SLC35F3: variants seen among roughly 807,000 people sequenced by gnomAD.
SLC35F3 encodes putative thiamine transporter SLC35F3.
SLC35F3 carries 25 observed loss-of-function variants against 49.9 expected under a neutral mutation model. The observed-to-expected ratio is 0.50, with a 90% CI of 0.37 to 0.70. The LOEUF is 0.70. SLC35F3 is among the 30% of genes least tolerant of loss of function. SLC35F3 has a pLI of 0.00. For missense variants in SLC35F3, 525 were observed against 639.8 expected, an observed-to-expected ratio of 0.82 and a Z score of 1.94; for synonymous variants, 275 against 265.4, an observed-to-expected ratio of 1.04 and a Z score of -0.35.
chr1:233,940,471 T>C (rs1250126879), intron 2 of SLC35F3, among the ~76,000 whole-genome samples: 1 of 152,100 alleles, frequency 6.6e-6, no homozygotes, highest in Non-Finnish European at 1.5e-5. Flanking sequence ...CCTTAGTAGG[T>C]CTCAATCCCT....
intron 2 of SLC35F3, among the ~76,000 whole-genome samples, chr1:234,190,905 G>C (rs1170658849): frequency 1.3e-5 from 2 of 151,926 alleles, no homozygotes; most frequent in Non-Finnish European, 2.9e-5. Context: ...AAAAACAAAA[G>C]TAACTATTTT....
chr1:234,096,364 G>A (rs1019633298), intron 2 of SLC35F3, among the ~76,000 whole-genome samples: 3 of 152,178 alleles, frequency 2.0e-5, no homozygotes, highest in Non-Finnish European at 4.4e-5. Context: ...GTAAAGCTCT[G>A]CTTGGAGAGG....
At chr1:234,125,933 C>G (rs532073390) in intron 2 of SLC35F3, among the ~76,000 whole-genome samples, 2 of 152,310 alleles carry the variant, frequency 1.3e-5, no homozygotes, top group Middle Eastern at 6.8e-3. Context: ...AGAACAGTCT[C>G]TGCAGTTCTG....
chr1:234,175,907 CCTT>C (rs1430702925), intron 2 of SLC35F3, among the ~76,000 whole-genome samples: 8 of 152,144 alleles, frequency 5.3e-5, no homozygotes, highest in Non-Finnish European at 1.2e-4. Context: ...CCATTTGTCT[CCTT>C]ATGAGTGTTG....
chr1:234,105,006 T>C (rs939514250), intron 2 of SLC35F3, among the ~76,000 whole-genome samples: 20 of 151,978 alleles, frequency 1.3e-4, no homozygotes, highest in African/African-American at 4.3e-4. Context: ...CGGGCACCTG[T>C]AGTCCCAGCT....
chr1:234,069,716 G>A (rs1468759422), intron 2 of SLC35F3, among the ~76,000 whole-genome samples: 1 of 152,162 alleles, frequency 6.6e-6, no homozygotes, highest in Middle Eastern at 3.2e-3. Flanking sequence ...AAGTCCCTGA[G>A]GTAGTCCTCT....
intron 2 of SLC35F3, among the ~76,000 whole-genome samples, chr1:234,066,743 CTCTT>C (rs1664623551): frequency 6.6e-6 from 1 of 151,252 alleles, no homozygotes; most frequent in Non-Finnish European, 1.5e-5. Context: ...CCCTTTCTCT[CTCTT>C]TCTCTCCCTC....
At chr1:233,960,475 C>T (rs747016715) in intron 2 of SLC35F3, among the ~76,000 whole-genome samples, 3 of 152,202 alleles carry the variant, frequency 2.0e-5, no homozygotes, top group African/African-American at 7.2e-5. Context: ...TCATCTGGCT[C>T]TGTGTCTCAC....
At chr1:234,203,942 G>A (rs778758869) in intron 2 of SLC35F3, among the ~76,000 whole-genome samples, 14 of 152,174 alleles carry the variant, frequency 9.2e-5, no homozygotes, top group Non-Finnish European at 1.9e-4. Context: ...CATATGTTGA[G>A]TTATATGATC....
rs770014497 is a variant in SLC35F3, at chr1:234,320,101, T to G, written c.1151T>G (p.Phe384Cys). ...TTGTTTACATTCTTTATTTCAGCAT[T>G]CAATATTGTATTAAATTTTGGAATT... ...LCGFSVLLLT[F>C]NIVLNFGIAV... The change falls in exon 7 of 8, where the codon TTC (phenylalanine) becomes TGC (cysteine). Residue 384 changes from phenylalanine (F) to cysteine (C), a missense_variant. By Grantham distance (205) the Phe-to-Cys change is radical. Around this residue, in one of 4 missense-constraint regions of SLC35F3, gnomAD observed 216 missense variants for 298.1 expected, o/e 0.72. Coordinates refer to ENST00000366618, the MANE Select transcript of SLC35F3 (RefSeq NM_173508.4). This position sits in a 1 kb window ranked among gnomAD's most constrained non-coding sequence, Gnocchi z 4.8. The G allele has an allele frequency of 6.3e-7, 1 of 1,599,942 alleles. No homozygotes were observed. The highest frequency in any genetic ancestry group is 1.1e-5 in the South Asian group (1 of 90,768).
chr1:234,279,634 G>A (rs1165898110), intron 3 of SLC35F3, among the ~76,000 whole-genome samples: 1 of 152,116 alleles, frequency 6.6e-6, no homozygotes, highest in Non-Finnish European at 1.5e-5. Context: ...AATCGTGCAG[G>A]GCTAGGAGCC....
chr1:234,108,668 A>T (rs1296819393), intron 2 of SLC35F3, among the ~76,000 whole-genome samples: 1 of 116,224 alleles, frequency 8.6e-6, no homozygotes, highest in Non-Finnish European at 1.6e-5. Flanking sequence ...TATATATATA[A>T]AAGATATATA....
intron 2 of SLC35F3, among the ~76,000 whole-genome samples, chr1:234,104,086 G>A (rs1158946182): frequency 1.3e-5 from 2 of 152,204 alleles, no homozygotes; most frequent in African/African-American, 4.8e-5. Flanking sequence ...TATTACCTTA[G>A]TATAACCTTG....
At chr1:234,066,020 G>T (rs1664611592) in intron 2 of SLC35F3, among the ~76,000 whole-genome samples, 1 of 152,152 alleles carries the variant, frequency 6.6e-6, no homozygotes, top group African/African-American at 2.4e-5. Context: ...GTTGCATCTT[G>T]GCGCCACCTG....
intron 3 of SLC35F3, among the ~76,000 whole-genome samples, chr1:234,284,421 C>G (rs1668378351): frequency 6.6e-6 from 1 of 152,166 alleles, no homozygotes; most frequent in African/African-American, 2.4e-5. Flanking sequence ...GCTCATGTTC[C>G]ACATAAATAT....
intron 2 of SLC35F3, among the ~76,000 whole-genome samples, chr1:234,079,464 G>A (rs942095655): frequency 3.3e-5 from 5 of 152,102 alleles, no homozygotes; most frequent in African/African-American, 1.2e-4. Context: ...AGAGTAAAAA[G>A]ACAACCTACA....
intron 2 of SLC35F3, among the ~76,000 whole-genome samples, chr1:234,039,620 T>G (rs995498433): frequency 1.3e-5 from 2 of 152,198 alleles, no homozygotes; most frequent in Non-Finnish European, 2.9e-5. Context: ...GTTTCATCCT[T>G]GCTGGTGACT....
At chr1:233,906,723 A>T (rs867104781) in intron 2 of SLC35F3, among the ~76,000 whole-genome samples, 8 of 152,108 alleles carry the variant, frequency 5.3e-5, no homozygotes, top group African/African-American at 1.9e-4. Flanking sequence ...CTTTAAGGGG[A>T]AAACGGGCGT....
intron 7 of SLC35F3, among the ~76,000 whole-genome samples, chr1:234,322,650 C>CGTGTGTGTGTGT (rs55827503): frequency 0.012 from 1,740 of 144,928 alleles, 16 homozygotes; most frequent in African/African-American, 0.028. Flanking sequence ...GGGTCAAATG[C>CGTGTGTGTGTGT]GTGTGTGTGT....
Sources: allele counts gnomAD v4.1 joint callset (sites outside exome capture counted in the v4.1 genomes callset), GRCh38; gene constraint gnomAD v4.1.1; regional missense constraint gnomAD v4.1.1; non-coding constraint Gnocchi (gnomAD v3.1); transcripts MANE v1.5; gene names NCBI Gene and HGNC (gene_info 2026-07-23, HGNC 2026-07-21).